STAM2: variants seen among roughly 807,000 people sequenced by gnomAD.
The protein encoded by STAM2 is signal transducing adaptor molecule 2.
A neutral mutation model predicts 65.6 loss-of-function variants in STAM2; 51 were observed. That is an observed-to-expected ratio of 0.78 (90% CI 0.62 to 0.98). STAM2 has a LOEUF of 0.98. Ranked by LOEUF, STAM2 falls within the 50% of genes least tolerant of loss-of-function variation. STAM2 has a pLI of 0.00. For synonymous variants in STAM2, 198 were observed against 208.4 expected (o/e 0.95, Z 0.43); for missense variants, 584 against 617.8 (o/e 0.95, Z 0.58).
intron 7 of STAM2, 67 bp downstream of exon 7, chr2:152,143,760 T>G: frequency 2.3e-6 from 3 of 1,286,210 alleles, no homozygotes. Flanking sequence ...GTCAAAGAAC[T>G]GAATACTCTG....
chr2:152,150,037 A>C (rs1441323601), intron 2 of STAM2, 108 bp downstream of exon 2: 2 of 736,990 alleles, frequency 2.7e-6, no homozygotes, highest in Admixed American at 4.9e-5. Context: ...TGTGTTGTTC[A>C]AGGGTCAACT....
chr2:152,135,762 T>C (rs534474138), intron 7 of STAM2, among the ~76,000 whole-genome samples, 159 bp from the exon 8 acceptor site: 3 of 152,300 alleles, frequency 2.0e-5, no homozygotes, highest in Non-Finnish European at 4.4e-5. Flanking sequence ...TATTAAAAAG[T>C]ACAAGTAAAA....
chr2:152,155,936 T>G (rs1689534858), intron 1 of STAM2, among the ~76,000 whole-genome samples: 1 of 152,218 alleles, frequency 6.6e-6, no homozygotes. Context: ...CTTTCTTCAC[T>G]GATTTGAGGA....
In STAM2 at chr2:152,119,884, T is replaced by G. The variant is rs1209451327; in HGVS notation, c.*690A>C. 3.3e-5 allele frequency: 5 copies of G among 152,470 alleles called. No homozygotes were observed. The highest frequency in any genetic ancestry group is 7.3e-5 in the Non-Finnish European group (5 of 68,052). The allele number at this position is 152,470 out of a possible 1,614,324, so 9.4% of individuals were successfully genotyped here. A position where few individuals can be genotyped will look rare whatever the true frequency, so the allele number is the denominator to read the frequency against. ...TCACTGTTAATCACAGAAAACATTT[T>G]TGTTCCTTCCAGATTGCTCTTGCTT... On this transcript the variant is annotated 3_prime_UTR_variant, in exon 14 of 14. Coordinates refer to ENST00000263904, the MANE Select transcript of STAM2 (RefSeq NM_005843.6).
Position 152,150,125 on chromosome 2 carries a change from A to G in STAM2, c.125+20T>C. 1 of 1,533,062 alleles carries G rather than the reference A, an allele frequency of 6.5e-7. No homozygotes were observed. Among genetic ancestry groups the G allele is most frequent in the Non-Finnish European group, 9.0e-7 (1 of 1,108,080 alleles). The allele number at this position is 1,533,062 out of a possible 1,614,324, so 95.0% of individuals were successfully genotyped here. A position where few individuals can be genotyped will look rare whatever the true frequency, so the allele number is the denominator to read the frequency against. On this transcript the variant is annotated intron_variant, in intron 2 of 13. Transcript: ENST00000263904. ...TTATCAAGTTCCTAGACATTCACTG[A>G]GCATGACTGGACATCTTACCCATTA...
chr2:152,128,531 T>A (rs1689003065), intron 11 of STAM2, among the ~76,000 whole-genome samples: 1 of 152,138 alleles, frequency 6.6e-6, no homozygotes. Context: ...AAACCCAGCA[T>A]GCTGATGAAA....
At position 152,149,496 on chromosome 2, in the gene STAM2, C is replaced by CT. The variant is rs70974823; in HGVS notation, c.125+648dup. On this transcript the variant is annotated intron_variant, in intron 2 of 13. Coordinates refer to ENST00000263904, the MANE Select transcript of STAM2 (RefSeq NM_005843.6). ...AAAACTTCACTATTAATAGTCTACT[C>CT]TTTTTTTTTTTTTTTTTTTGAGACA... Among the ~76,000 whole-genome samples, 1,240 of 126,552 alleles carry CT rather than the reference C, an allele frequency of 9.8e-3. 17 individuals are homozygous for CT. Among genetic ancestry groups the CT allele is most frequent in the African/African-American group, 0.028 (946 of 33,996 alleles). The allele number at this position is 126,552 out of a possible 152,430, so 83.0% of individuals were successfully genotyped here.
Position 152,120,319 on chromosome 2 carries a change from GAA to G in STAM2, c.*253_*254del. On this transcript the variant is annotated 3_prime_UTR_variant, in exon 14 of 14. Coordinates refer to ENST00000263904, the MANE Select transcript of STAM2 (RefSeq NM_005843.6). ...TATCTAGATTTATGTAGAGAAATCT[GAA>G]AGTAAGACAAAACTAACTGAAAGCA... The G allele has an allele frequency of 2.2e-6, 1 of 453,530 alleles. No homozygotes were observed. The highest frequency in any genetic ancestry group is 3.9e-6 in the Non-Finnish European group (1 of 259,174). The allele number at this position is 453,530 out of a possible 1,614,324, so 28.1% of individuals were successfully genotyped here.
chr2:152,127,792 T>G lies in STAM2; in HGVS notation c.1026-1413A>C, dbSNP rs557348958. Among the ~76,000 whole-genome samples, 4 of 152,310 alleles carry G rather than the reference T, an allele frequency of 2.6e-5. No homozygotes were observed. The South Asian group carries it at 8.3e-4, about 32-fold the overall frequency. ...GCCCAAGAAGCTTCAGAGCAAACTC[T>G]TTCTACTTGATAGTTCCCCTGGGAG... On this transcript the variant is annotated intron_variant, in intron 11 of 13. Coordinates refer to ENST00000263904, the MANE Select transcript of STAM2 (RefSeq NM_005843.6).
intron 13 of STAM2, among the ~76,000 whole-genome samples, chr2:152,122,057 A>T (rs28486050): frequency 0.047 from 6,214 of 131,624 alleles, 375 homozygotes; most frequent in African/African-American, 0.15. Flanking sequence ...CCAAAAAAAA[A>T]ATATATATAT....
intron 8 of STAM2, among the ~76,000 whole-genome samples, chr2:152,134,918 A>G (rs1407077051): frequency 2.6e-5 from 4 of 152,216 alleles, no homozygotes; most frequent in African/African-American, 9.6e-5. Context: ...CATGGTTGAC[A>G]ATGGCTAAAG....
At position 152,119,861 on chromosome 2, in the gene STAM2, A is replaced by G. The variant is rs1560207421; in HGVS notation, c.*713T>C. Reference sequence around the variant, plus strand: ...ACACATCTGCATTTACAAGGTCTTCACTGTTAATCACAGAAAACATTTTTG... The same window carrying G: ...ACACATCTGCATTTACAAGGTCTTCGCTGTTAATCACAGAAAACATTTTTG... On this transcript the variant is annotated 3_prime_UTR_variant, in exon 14 of 14. Coordinates refer to ENST00000263904, the MANE Select transcript of STAM2 (RefSeq NM_005843.6). 6.6e-6 allele frequency: 1 copy of G among 152,300 alleles called. No homozygotes were observed. The highest frequency in any genetic ancestry group is 1.5e-5 in the Non-Finnish European group (1 of 68,046). 9.4% of individuals were successfully genotyped at this position (152,300 alleles called of 1,614,324 possible).
In STAM2 at chr2:152,175,732, A is replaced by G. The variant is rs1014607176; in HGVS notation, c.-90T>C. The G allele has an allele frequency of 9.2e-6, 13 of 1,415,124 alleles. No homozygotes were observed. The East Asian group carries it at 2.0e-4, about 22-fold the overall frequency. 87.7% of individuals were successfully genotyped at this position (1,415,124 alleles called of 1,614,324 possible). A position where few individuals can be genotyped will look rare whatever the true frequency, so the allele number is the denominator to read the frequency against. ...GTGACCCGCGGCCGCGGCTCCCTAG[A>G]CCGCTCCGCTTCGGCCTCCGTCCCT... is the stretch of plus-strand genomic sequence containing the variant. On this transcript the variant is annotated 5_prime_UTR_variant, in exon 1 of 14. Coordinates refer to ENST00000263904, the MANE Select transcript of STAM2 (RefSeq NM_005843.6).
chr2:152,162,496 A>G (rs182300574), intron 1 of STAM2, among the ~76,000 whole-genome samples: 2 of 152,198 alleles, frequency 1.3e-5, no homozygotes, highest in African/African-American at 4.8e-5. Flanking sequence ...AGGAGAATAC[A>G]TGAGCCCAGG....
At chr2:152,122,564 T>G (rs1428111937) in intron 13 of STAM2, among the ~76,000 whole-genome samples, 1 of 152,192 alleles carries the variant, frequency 6.6e-6, no homozygotes, top group South Asian at 2.1e-4. Context: ...ATTTTATATT[T>G]TATTCTAACT....
chr2:152,120,980 C>A (rs1688842705), intron 13 of STAM2, among the ~76,000 whole-genome samples, 178 bp from the exon 14 acceptor site: 1 of 152,008 alleles, frequency 6.6e-6, no homozygotes. Context: ...TTTTCTTCTT[C>A]TTATTTTTGA....
intron 2 of STAM2, 51 bp downstream of exon 2, chr2:152,150,094 C>G (rs1213122121): frequency 8.2e-7 from 1 of 1,222,834 alleles, no homozygotes; most frequent in African/African-American, 1.5e-5. Context: ...CAAAAAGAGA[C>G]ACTGGTTATC....
intron 1 of STAM2, among the ~76,000 whole-genome samples, chr2:152,160,814 G>A (rs1314473004): frequency 3.4e-5 from 5 of 147,484 alleles, no homozygotes; most frequent in East Asian, 2.1e-4. Context: ...CGCCCCGTCC[G>A]GGAAGGTGGT....
At chr2:152,137,881 C>G (rs1209693865) in intron 7 of STAM2, among the ~76,000 whole-genome samples, 1 of 151,974 alleles carries the variant, frequency 6.6e-6, no homozygotes, top group Non-Finnish European at 1.5e-5. Context: ...ACCATTTTTT[C>G]TAGTAATTTA....
Sources: gnomAD v4.1 joint callset for allele counts (sites outside exome capture counted in the v4.1 genomes callset) on GRCh38, gnomAD v4.1.1 for gene constraint, MANE v1.5 for transcripts, NCBI Gene and HGNC (gene_info 2026-07-23, HGNC 2026-07-21) for gene names.